ALDH2: variants seen among roughly 807,000 people sequenced by gnomAD.
ALDH2 encodes the protein aldehyde dehydrogenase 2 family member.
ALDH2 carries 44 observed loss-of-function variants against 59.6 expected under a neutral mutation model. The ratio of observed to expected loss-of-function variants is 0.74; its 90% CI spans 0.58 to 0.95. ALDH2 has a LOEUF of 0.95. ALDH2 is among the 40% of genes least tolerant of loss of function. The pLI, the probability that ALDH2 is intolerant of heterozygous loss-of-function variation, is 0.00. For synonymous variants in ALDH2, 291 were observed against 284.0 expected (o/e 1.02, Z -0.25); for missense variants, 570 against 696.3 (o/e 0.82, Z 2.04).
At chr12:111,786,774 T>A (rs2068313267) in intron 4 of ALDH2, among the ~76,000 whole-genome samples, 1 of 152,026 alleles carries the variant, frequency 6.6e-6, no homozygotes, top group South Asian at 2.1e-4. Context: ...TTTGGACTCC[T>A]GGGCTCAAGT....
rs922984497 is a variant in ALDH2, at chr12:111,789,691, C to A, written c.441-132C>A. On this transcript the variant is annotated intron_variant, in intron 4 of 12. Coordinates refer to ENST00000261733, the MANE Select transcript of ALDH2 (RefSeq NM_000690.4). ...GACCTTTGCAGTCACTTGTCTCTCT[C>A]TGAATAAGCCAAAAGCAAAGACAGT... is the stretch of plus-strand genomic sequence containing the variant. The A allele has an allele frequency of 3.9e-6, 3 of 766,226 alleles. No homozygotes were observed. In the African/African-American group the frequency reaches 5.3e-5, roughly 13 times the overall value. The allele number at this position is 766,226 out of a possible 1,614,324, so 47.5% of individuals were successfully genotyped here. A position where few individuals can be genotyped will look rare whatever the true frequency, so the allele number is the denominator to read the frequency against.
intron 12 of ALDH2, among the ~76,000 whole-genome samples, chr12:111,807,268 CA>C (rs1286473535): frequency 2.0e-5 from 3 of 150,234 alleles, no homozygotes; most frequent in Non-Finnish European, 4.4e-5. Context: ...GTCTCAAAAA[CA>C]AAACAAAACA....
At chr12:111,794,552 G>C (rs143733804) in intron 9 of ALDH2, among the ~76,000 whole-genome samples, 2,634 of 152,084 alleles carry the variant, frequency 0.017, 95 homozygotes, top group African/African-American at 0.061. Flanking sequence ...TGTTGCCCAG[G>C]CTGGAATGCA....
intron 1 of ALDH2, among the ~76,000 whole-genome samples, chr12:111,767,739 T>C (rs1356223014): frequency 6.6e-6 from 1 of 152,214 alleles, no homozygotes; most frequent in Non-Finnish European, 1.5e-5. Context: ...ATTCCTGTGG[T>C]CCATTTATTG....
In ALDH2 at chr12:111,816,333, G is replaced by C. The variant is rs965335878; in HGVS notation, c.*6758G>C. On this transcript the variant is annotated 3_prime_UTR_variant, in exon 13 of 13. Coordinates refer to ENST00000261733, the MANE Select transcript of ALDH2 (RefSeq NM_000690.4). ...TATTGGGTAAAGGAGATAGGGAGAA[G>C]GGGGGGTGGTTGTCGGTCAGCAGCT... The C allele has an allele frequency of 6.6e-6, 1 of 152,124 alleles. No individual in the cohort carries two copies. The highest frequency in any genetic ancestry group is 2.4e-5 in the African/African-American group (1 of 41,428). The allele number at this position is 152,124 out of a possible 1,614,324, so 9.4% of individuals were successfully genotyped here.
In ALDH2 at chr12:111,809,543, G is replaced by C. The variant is rs1042825766; in HGVS notation, c.1522G>C (p.Val508Leu). ...AACGGCTTCTCTGTCCCCCTTACAG[G>C]TCACAGTCAAAGTGCCTCAGAAGAA... ...GLQAYTEVKT[V>L]TVKVPQKNS The change falls in exon 13 of 13, where the codon GTC becomes CTC. Residue 508 changes from valine (V) to leucine (L), a missense_variant and splice_region_variant. Transcript: ENST00000261733. The C allele has an allele frequency of 9.9e-6, 16 of 1,614,168 alleles. No individual in the cohort carries two copies. The highest frequency in any genetic ancestry group is 1.4e-5 in the Non-Finnish European group (16 of 1,180,030).
intron 11 of ALDH2, among the ~76,000 whole-genome samples, chr12:111,801,448 C>T (rs1468944920): frequency 6.6e-6 from 1 of 152,076 alleles, no homozygotes; most frequent in East Asian, 1.9e-4. Flanking sequence ...CCTGTAATCC[C>T]AGCACTTTGG....
rs111324903 is a variant in ALDH2 at position 111,795,561 on chromosome 12, G to T, written c.1084-2517G>T. ...GCCTCCCAAAGTGCTGAGATTACAG[G>T]TGTGAGCCACCGCACCTGTCCTAAC... On this transcript the variant is annotated intron_variant, in intron 9 of 12. Transcript: ENST00000261733. Among the ~76,000 whole-genome samples, 1,253 of 150,306 alleles carry T rather than the reference G, an allele frequency of 8.3e-3. 13 individuals carry two copies. The highest frequency in any genetic ancestry group is 0.013 in the Non-Finnish European group (885 of 67,810).
chr12:111,791,714 G>A (rs1295102838), intron 7 of ALDH2, among the ~76,000 whole-genome samples: 2 of 152,156 alleles, frequency 1.3e-5, no homozygotes, highest in South Asian at 2.1e-4. Flanking sequence ...TCTTGGCCAG[G>A]TCAGACTCCT....
At chr12:111,773,369 T>G (rs113648300) in intron 1 of ALDH2, among the ~76,000 whole-genome samples, 11 of 152,314 alleles carry the variant, frequency 7.2e-5, no homozygotes, top group African/African-American at 2.6e-4. Context: ...ATAATAATGT[T>G]TGTGCTCCTG....
At chr12:111,776,291 C>T (rs941711190) in intron 1 of ALDH2, among the ~76,000 whole-genome samples, 6 of 152,258 alleles carry the variant, frequency 3.9e-5, no homozygotes, top group Admixed American at 6.5e-5. Flanking sequence ...CTTTAAGCTA[C>T]GAGAGAGCTG....
chr12:111,806,738 G>T (rs749842315), intron 12 of ALDH2, among the ~76,000 whole-genome samples: 1 of 152,134 alleles, frequency 6.6e-6, no homozygotes, highest in South Asian at 2.1e-4. Context: ...TTGGGAGGCC[G>T]AGATGGGCAG....
At chr12:111,768,356 A>C (rs774953116) in intron 1 of ALDH2, among the ~76,000 whole-genome samples, 3 of 152,232 alleles carry the variant, frequency 2.0e-5, no homozygotes, top group Non-Finnish European at 2.9e-5. Flanking sequence ...GTGTGGCTGC[A>C]AATCTGGATA....
intron 12 of ALDH2, among the ~76,000 whole-genome samples, chr12:111,807,288 A>G (rs1410520321): frequency 1.3e-5 from 2 of 151,932 alleles, no homozygotes; most frequent in Non-Finnish European, 2.9e-5. Context: ...CAAAACGGAA[A>G]AAAAAAAACA....
Position 111,814,015 on chromosome 12 carries a change from T to C in ALDH2, c.*4440T>C, listed in dbSNP as rs2068553535. ...GGGAGGCCGAGGTGGGCGGATCACA[T>C]GAGGTCAAGAGTTCGAGACTAGCCT... On this transcript the variant is annotated 3_prime_UTR_variant, in exon 13 of 13. Coordinates refer to ENST00000261733, the MANE Select transcript of ALDH2 (RefSeq NM_000690.4). The C allele has an allele frequency of 6.6e-6, 1 of 152,208 alleles. No individual in the cohort carries two copies. The highest frequency in any genetic ancestry group is 6.6e-5 in the Admixed American group (1 of 15,262). 9.4% of individuals were successfully genotyped at this position (152,208 alleles called of 1,614,324 possible).
intron 7 of ALDH2, among the ~76,000 whole-genome samples, chr12:111,791,761 G>C (rs1190396511): frequency 6.6e-6 from 1 of 152,176 alleles, no homozygotes; most frequent in African/African-American, 2.4e-5. Flanking sequence ...AATTAGCCTT[G>C]TGTGGTGGTG....
intron 4 of ALDH2, among the ~76,000 whole-genome samples, chr12:111,788,020 C>T (rs1296780184): frequency 4.6e-5 from 7 of 150,876 alleles, no homozygotes; most frequent in Admixed American, 4.0e-4. Flanking sequence ...GCCTGGGCAA[C>T]AGAGCGAGAC....
Position 111,800,039 on chromosome 12 carries a change from AG to A in ALDH2, c.1384del (p.Ala462ProfsTer44). The stretch of plus-strand genomic sequence containing the variant: ...TTGGACAAGGCCAATTACCTGTCCC[AG>A]GCCCTCCAGGCGGGCACTGTGTGGT... ...KDLDKANYLS[Q>X]ALQAGTVWVN... On this transcript the variant is annotated frameshift_variant, in exon 11 of 13. Transcript: ENST00000261733. LOFTEE classifies it high-confidence loss of function. The A allele has an allele frequency of 6.2e-7, 1 of 1,613,092 alleles. No homozygotes were observed. The highest frequency in any genetic ancestry group is 8.5e-7 in the Non-Finnish European group (1 of 1,179,850).
In ALDH2 at chr12:111,782,004, G is replaced by T. The variant is rs1205759149; in HGVS notation, c.201G>T (p.Gln67His). 6.2e-7 allele frequency: 1 copy of T among 1,613,848 alleles called. No individual in the cohort carries two copies. Among genetic ancestry groups the T allele is most frequent in the East Asian group, 2.2e-5 (1 of 44,882 alleles). ...CGTCCACTGGAGAGGTCATCTGTCA[G>T]GTAGCTGAAGGGGACAAGGTGAGAA... ...VNPSTGEVIC[Q>H]VAEGDKEDVD... Residue 67 changes from glutamine to histidine, a missense_variant, in exon 2 of 13, where the codon CAG (glutamine) becomes CAT (histidine). By Grantham distance (24) the Gln-to-His change is conservative. Transcript: ENST00000261733.
Sources: gnomAD v4.1 joint callset for allele counts (sites outside exome capture counted in the v4.1 genomes callset) on GRCh38, gnomAD v4.1.1 for gene constraint, MANE v1.5 for transcripts, NCBI Gene and HGNC (gene_info 2026-07-23, HGNC 2026-07-21) for gene names.